TUSC3: variants seen among roughly 807,000 people sequenced by gnomAD.
The protein encoded by TUSC3 is tumor suppressor candidate 3.
A neutral mutation model predicts 44.8 loss-of-function variants in TUSC3; 45 were observed. That is an observed-to-expected ratio of 1.00 (90% CI 0.79 to 1.29). TUSC3 has a LOEUF of 1.29. TUSC3 is among the 50% of genes most tolerant of loss of function. TUSC3 has a pLI of 0.00. For synonymous variants in TUSC3, 212 were observed against 152.9 expected (o/e 1.39, Z -2.85); for missense variants, 519 against 437.9 (o/e 1.19, Z -1.65).
intron 9 of TUSC3, chr8:15,748,896 A>T: frequency 2.6e-6 from 1 of 382,160 alleles, no homozygotes; most frequent in South Asian, 1.9e-5. Flanking sequence ...ATGAAAGGGA[A>T]AAGTTAAGTA....
chr8:15,434,530 CTTTT>C (rs59579003), intron 1 of TUSC3, among the ~76,000 whole-genome samples: 4 of 135,680 alleles, frequency 2.9e-5, no homozygotes, highest in Non-Finnish European at 1.6e-5. Context: ...AAAGCCATTC[CTTTT>C]TTTTTTTTTT....
chr8:15,692,552 C>G (rs62502157), intron 6 of TUSC3, among the ~76,000 whole-genome samples: 33,138 of 151,406 alleles, frequency 0.22, 4,382 homozygotes, highest in Non-Finnish European at 0.3. Flanking sequence ...CAGGGATTCA[C>G]TTTCTTCCTG....
intron 2 of TUSC3, among the ~76,000 whole-genome samples, chr8:15,483,851 G>T (rs1002796878): frequency 6.8e-6 from 1 of 147,902 alleles, no homozygotes; most frequent in East Asian, 2.1e-4. Flanking sequence ...TAGAGACGGG[G>T]TTTCACTGTG....
chr8:15,831,146 T>A, the TUSC3 span, among the ~76,000 whole-genome samples: 1 of 151,976 alleles, frequency 6.6e-6, no homozygotes, highest in Non-Finnish European at 1.5e-5. Context: ...GCAAAACAAG[T>A]CCCCCAGAAT....
intron 1 of TUSC3, among the ~76,000 whole-genome samples, chr8:15,445,809 C>G (rs1024301168): frequency 6.6e-6 from 1 of 152,260 alleles, no homozygotes; most frequent in Non-Finnish European, 1.5e-5. Flanking sequence ...TCATCATGGC[C>G]TGTTCTCAAT....
At chr8:15,816,340 G>C in the TUSC3 span, among the ~76,000 whole-genome samples, 1 of 152,178 alleles carries the variant, frequency 6.6e-6, no homozygotes, top group African/African-American at 2.4e-5. Context: ...TTAAAATACT[G>C]AGGAAATAAT....
intron 1 of TUSC3, among the ~76,000 whole-genome samples, chr8:15,423,968 TG>T (rs1799770869): frequency 1.5e-5 from 1 of 64,922 alleles, no homozygotes; most frequent in Non-Finnish European, 2.9e-5. Context: ...TGTTTTGCTT[TG>T]TTTTTTTTTT....
the TUSC3 span, among the ~76,000 whole-genome samples, chr8:15,772,648 C>T: frequency 6.6e-6 from 1 of 152,190 alleles, no homozygotes; most frequent in South Asian, 2.1e-4. Context: ...GTAACACTTC[C>T]TAATTCTGTG....
chr8:15,751,830 T>G (rs531789020), intron 9 of TUSC3, among the ~76,000 whole-genome samples: 16 of 152,282 alleles, frequency 1.1e-4, no homozygotes, highest in African/African-American at 3.8e-4. Flanking sequence ...TCCTACACCA[T>G]GCACAGCTGA....
intron 8 of TUSC3, 100 bp from the exon 9 acceptor site, chr8:15,748,275 A>T: frequency 2.2e-6 from 2 of 902,682 alleles, no homozygotes; most frequent in Non-Finnish European, 3.7e-6. Context: ...TGAACTGTTA[A>T]ATGTAAGTAT....
chr8:15,743,541 C>T lies in TUSC3; in HGVS notation c.866C>T (p.Ala289Val). 1.2e-6 allele frequency: 2 copies of T among 1,613,862 alleles called. No homozygotes were observed. Among genetic ancestry groups the T allele is most frequent in the Non-Finnish European group, 1.7e-6 (2 of 1,179,832 alleles). The change falls in exon 8 of 11, where the codon GCC (alanine) becomes GTC (valine). Residue 289 changes from alanine to valine, a missense_variant. Ala to Val is a moderately conservative substitution (Grantham distance 64). Coordinates refer to ENST00000503731, the MANE Select transcript of TUSC3 (RefSeq NM_006765.4). Reference protein sequence around the residue: ...AESHIILVLNAAITMGMVLLN... With the variant: ...AESHIILVLNVAITMGMVLLN... ...GCTTCCTTGACAACTACTGCAGATGCCGCTATCACCATGGGGATGGTTCTT... is the reference window on the plus strand; with the variant it reads ...GCTTCCTTGACAACTACTGCAGATGTCGCTATCACCATGGGGATGGTTCTT...
chr8:15,767,002 A>C (rs1419482121), downstream of TUSC3, among the ~76,000 whole-genome samples: 1 of 152,160 alleles, frequency 6.6e-6, no homozygotes, highest in South Asian at 2.1e-4. Context: ...CATTAAGTTT[A>C]AAATAGTAAA....
chr8:15,619,171 G>T (rs748868007), intron 1 of TUSC3, among the ~76,000 whole-genome samples: 20 of 152,298 alleles, frequency 1.3e-4, no homozygotes, highest in Admixed American at 2.6e-4. Flanking sequence ...CCTTAAGGCA[G>T]TTGGGATACT....
chr8:15,725,736 A>G (rs565200645), intron 6 of TUSC3, among the ~76,000 whole-genome samples: 4 of 152,302 alleles, frequency 2.6e-5, no homozygotes, highest in Admixed American at 2.6e-4. Context: ...AGAGCTTAAC[A>G]ATTTGAAGTT....
At chr8:15,845,641 C>G in the TUSC3 span, among the ~76,000 whole-genome samples, 4 of 152,096 alleles carry the variant, frequency 2.6e-5, no homozygotes, top group African/African-American at 9.7e-5. Context: ...CCTTTTGTAG[C>G]CCTGAGTTGT....
chr8:15,459,778 G>A (rs548277876), intron 1 of TUSC3, among the ~76,000 whole-genome samples: 11 of 151,922 alleles, frequency 7.2e-5, no homozygotes, highest in South Asian at 6.2e-4. Context: ...ATCTCATCCC[G>A]GTCAATGCGA....
intron 1 of TUSC3, among the ~76,000 whole-genome samples, chr8:15,480,778 A>G (rs1233813144): frequency 1.3e-5 from 2 of 152,182 alleles, no homozygotes; most frequent in African/African-American, 4.8e-5. Context: ...ATATAACCTC[A>G]TTTAACCTAT....
the TUSC3 span, among the ~76,000 whole-genome samples, chr8:15,786,145 C>T: frequency 6.6e-6 from 1 of 152,024 alleles, no homozygotes; most frequent in Non-Finnish European, 1.5e-5. Flanking sequence ...TACTATACTC[C>T]AGTTTAAGAT....
chr8:15,816,604 G>C, the TUSC3 span, among the ~76,000 whole-genome samples: 1 of 152,132 alleles, frequency 6.6e-6, no homozygotes, highest in African/African-American at 2.4e-5. Flanking sequence ...TAATTCGTAA[G>C]ACGATGTTGC....
Sources: allele counts gnomAD v4.1 joint callset (sites outside exome capture counted in the v4.1 genomes callset), GRCh38; gene constraint gnomAD v4.1.1; transcripts MANE v1.5; gene names NCBI Gene and HGNC (gene_info 2026-07-23, HGNC 2026-07-21).